LRMDA: variants seen among roughly 807,000 people sequenced by gnomAD.
LRMDA encodes leucine rich melanocyte differentiation associated.
In LRMDA, 18 loss-of-function variants were observed where a neutral mutation model predicts 29.8. That is an observed-to-expected ratio of 0.60 (90% CI 0.42 to 0.90). The LOEUF (loss-of-function observed/expected upper bound fraction) is 0.90, where lower values mean the gene tolerates loss of function less well. LRMDA is among the 40% of genes least tolerant of loss of function. The pLI is 0.00. For synonymous variants in LRMDA, 125 were observed against 109.4 expected, an observed-to-expected ratio of 1.14 and a Z score of -0.89; for missense variants, 273 against 273.9, an observed-to-expected ratio of 1.00 and a Z score of 0.02.
At chr10:76,236,733 A>G (rs114261539) in intron 5 of LRMDA, among the ~76,000 whole-genome samples, 91 of 152,320 alleles carry the variant, frequency 6.0e-4, no homozygotes, top group African/African-American at 2.1e-3. Context: ...CAAACCTATT[A>G]TGGTCACAAG....
At chr10:76,554,573 T>C (rs1188334132) in intron 6 of LRMDA, among the ~76,000 whole-genome samples, 1 of 152,208 alleles carries the variant, frequency 6.6e-6, no homozygotes, top group East Asian at 1.9e-4. Context: ...AACAGCCTTC[T>C]CTCACCAGGA....
chr10:76,413,169 C>T (rs1055482354), intron 6 of LRMDA, among the ~76,000 whole-genome samples: 1 of 152,194 alleles, frequency 6.6e-6, no homozygotes, highest in Non-Finnish European at 1.5e-5. Flanking sequence ...GTCTTTGAGC[C>T]CTTTCTTTCT....
At chr10:76,385,224 C>G (rs1045052535) in intron 6 of LRMDA, among the ~76,000 whole-genome samples, 4 of 152,094 alleles carry the variant, frequency 2.6e-5, no homozygotes. Flanking sequence ...AGCTTAAATT[C>G]CTAGATTTAT....
intron 2 of LRMDA, among the ~76,000 whole-genome samples, chr10:75,486,157 T>G (rs1242594564): frequency 2.6e-5 from 4 of 152,232 alleles, no homozygotes; most frequent in Non-Finnish European, 2.9e-5. Flanking sequence ...AAGAGAGTGT[T>G]TTCAAATTTC....
rs1183112947 is a variant in LRMDA, at chr10:75,431,764, G to C, written c.30+10G>C. ...GGTGCGTGGAACTCAAGTAAGTCCCGGCCAGCCCCGCCTCCGCCCGGGGCG... is the reference window on the plus strand; with the variant it reads ...GGTGCGTGGAACTCAAGTAAGTCCCCGCCAGCCCCGCCTCCGCCCGGGGCG... On this transcript the variant is annotated intron_variant, in intron 1 of 6. Coordinates refer to ENST00000611255, the MANE Select transcript of LRMDA (RefSeq NM_001305581.2). 119 of 1,365,588 alleles carry C rather than the reference G, an allele frequency of 8.7e-5. No individual in the cohort carries two copies. In the East Asian group the frequency reaches 3.6e-3, roughly 41 times the overall value. The allele number at this position is 1,365,588 out of a possible 1,614,324, so 84.6% of individuals were successfully genotyped here. A position where few individuals can be genotyped will look rare whatever the true frequency, so the allele number is the denominator to read the frequency against.
intron 2 of LRMDA, among the ~76,000 whole-genome samples, chr10:75,830,556 G>A (rs762838971): frequency 6.6e-6 from 1 of 151,128 alleles, no homozygotes; most frequent in Non-Finnish European, 1.5e-5. Flanking sequence ...GAGAGGGCTT[G>A]TGCAGAGAAA....
chr10:75,474,232 G>A (rs985143853), intron 2 of LRMDA, among the ~76,000 whole-genome samples: 2 of 152,242 alleles, frequency 1.3e-5, no homozygotes, highest in African/African-American at 2.4e-5. Flanking sequence ...AAGTAAGGCA[G>A]TGAGTGTTTC....
chr10:76,548,972 A>G (rs755736311), intron 6 of LRMDA, among the ~76,000 whole-genome samples: 16 of 152,200 alleles, frequency 1.1e-4, no homozygotes, highest in Non-Finnish European at 1.8e-4. Context: ...AGAGAATGTC[A>G]CTAAGGATCT....
At chr10:75,893,794 C>T (rs937970374) in intron 2 of LRMDA, among the ~76,000 whole-genome samples, 2 of 151,904 alleles carry the variant, frequency 1.3e-5, no homozygotes, top group Non-Finnish European at 2.9e-5. Context: ...ATTAGCTGGG[C>T]GTGGTGGCAT....
intron 2 of LRMDA, among the ~76,000 whole-genome samples, chr10:75,894,652 G>A (rs1412891796): frequency 6.6e-6 from 1 of 152,168 alleles, no homozygotes; most frequent in East Asian, 1.9e-4. Context: ...CATGTATGGA[G>A]ATGGGCATTG....
chr10:76,513,584 G>A (rs1313529030), intron 6 of LRMDA, among the ~76,000 whole-genome samples: 1 of 152,174 alleles, frequency 6.6e-6, no homozygotes, highest in Admixed American at 6.6e-5. Context: ...CTTAAGTAGA[G>A]TTTGAATTAG....
chr10:75,468,878 A>G (rs538446132), intron 2 of LRMDA, among the ~76,000 whole-genome samples: 1 of 152,166 alleles, frequency 6.6e-6, no homozygotes, highest in South Asian at 2.1e-4. Flanking sequence ...ATTGTATTAG[A>G]CCTTGTTTAA....
intron 2 of LRMDA, among the ~76,000 whole-genome samples, chr10:75,922,871 A>G (rs1846049154): frequency 6.6e-6 from 1 of 151,980 alleles, no homozygotes; most frequent in Non-Finnish European, 1.5e-5. Flanking sequence ...TATTTCCTAT[A>G]CTTTGTTCTT....
intron 5 of LRMDA, among the ~76,000 whole-genome samples, chr10:76,263,808 C>T (rs959365091): frequency 3.3e-5 from 5 of 152,154 alleles, no homozygotes; most frequent in African/African-American, 1.2e-4. Context: ...AAAAGTGTAA[C>T]CCAGAGGCCC....
At chr10:75,801,247 A>G (rs903924488) in intron 2 of LRMDA, among the ~76,000 whole-genome samples, 1 of 152,212 alleles carries the variant, frequency 6.6e-6, no homozygotes, top group Non-Finnish European at 1.5e-5. Context: ...AGATGTATGC[A>G]GATTTCCTCC....
intron 2 of LRMDA, among the ~76,000 whole-genome samples, chr10:75,786,200 T>C (rs1364535675): frequency 6.6e-6 from 1 of 152,182 alleles, no homozygotes; most frequent in Non-Finnish European, 1.5e-5. Flanking sequence ...CTTCTCCTCA[T>C]AACAACTTCC....
intron 2 of LRMDA, among the ~76,000 whole-genome samples, chr10:75,611,946 T>A (rs1564522190): frequency 6.6e-6 from 1 of 152,186 alleles, no homozygotes; most frequent in African/African-American, 2.4e-5. Flanking sequence ...ACTTTTTTGG[T>A]CCCCTTCTCC....
chr10:76,147,686 G>A (rs557884232), intron 5 of LRMDA, among the ~76,000 whole-genome samples: 29 of 152,122 alleles, frequency 1.9e-4, no homozygotes, highest in Admixed American at 1.3e-3. Flanking sequence ...CTCTCAACTC[G>A]TCAAAGTCAT....
At chr10:75,542,135 A>G (rs1313367672) in intron 2 of LRMDA, among the ~76,000 whole-genome samples, 1 of 152,212 alleles carries the variant, frequency 6.6e-6, no homozygotes, top group Admixed American at 6.5e-5. Context: ...TAAGCCACCA[A>G]AACCTGACAA....
Sources: allele counts gnomAD v4.1 joint callset (sites outside exome capture counted in the v4.1 genomes callset), GRCh38; gene constraint gnomAD v4.1.1; transcripts MANE v1.5; gene names NCBI Gene and HGNC (gene_info 2026-07-23, HGNC 2026-07-21).